Variants in FRMD3 observed in about 807,000 individuals in gnomAD.
FRMD3 encodes FERM domain-containing protein 3.
FRMD3 carries 33 observed loss-of-function variants against 70.2 expected under a neutral mutation model. That is an observed-to-expected ratio of 0.47 (90% CI 0.36 to 0.63). The LOEUF is 0.63. FRMD3 is among the 20% of genes least tolerant of loss of function. The pLI is 0.00. For synonymous variants in FRMD3, 279 were observed against 255.9 expected, an observed-to-expected ratio of 1.09 and a Z score of -0.86; for missense variants, 632 against 711.4, an observed-to-expected ratio of 0.89 and a Z score of 1.27.
chr9:83,366,077 T>A (rs1824775618), intron 3 of FRMD3, among the ~76,000 whole-genome samples: 1 of 151,954 alleles, frequency 6.6e-6, no homozygotes, highest in Admixed American at 6.5e-5. Context: ...TCAAGGAATG[T>A]ACATGAGAGA....
At chr9:83,533,633 A>T (rs892944015) in intron 1 of FRMD3, among the ~76,000 whole-genome samples, 1 of 152,226 alleles carries the variant, frequency 6.6e-6, no homozygotes, top group Non-Finnish European at 1.5e-5. Context: ...GCACTCATCC[A>T]TTCAACTGAT....
chr9:83,262,629 C>T (rs769015593), intron 13 of FRMD3, among the ~76,000 whole-genome samples: 7 of 152,296 alleles, frequency 4.6e-5, no homozygotes, highest in East Asian at 3.9e-4. Flanking sequence ...AAAAGCATTA[C>T]TCTACCACAT....
intron 13 of FRMD3, among the ~76,000 whole-genome samples, chr9:83,250,200 A>AC (rs1214244766): frequency 6.6e-6 from 1 of 151,894 alleles, no homozygotes; most frequent in Non-Finnish European, 1.5e-5. Context: ...AGCAAAGGAG[A>AC]CCCCACCCCG....
chr9:83,351,682 T>A (rs4877756), intron 3 of FRMD3, among the ~76,000 whole-genome samples: 109,216 of 151,036 alleles, frequency 0.72, 39,523 homozygotes, highest in Admixed American at 0.75. Flanking sequence ...TGATTGATAG[T>A]TACATGATAG....
At chr9:83,477,760 A>G (rs569806615) in intron 1 of FRMD3, among the ~76,000 whole-genome samples, 4 of 152,138 alleles carry the variant, frequency 2.6e-5, no homozygotes, top group Non-Finnish European at 5.9e-5. Context: ...TGACTAATTG[A>G]CTGAATCTCC....
chr9:83,520,768 T>G (rs1232823779), intron 1 of FRMD3, among the ~76,000 whole-genome samples: 1 of 152,044 alleles, frequency 6.6e-6, no homozygotes, highest in Non-Finnish European at 1.5e-5. Flanking sequence ...TGCAATTGCT[T>G]ACATCAGACC....
chr9:83,453,370 A>T (rs939261413), intron 1 of FRMD3, among the ~76,000 whole-genome samples: 3 of 152,092 alleles, frequency 2.0e-5, no homozygotes, highest in Non-Finnish European at 2.9e-5. Flanking sequence ...CAGAATCATT[A>T]AAAAAAATCT....
At chr9:83,478,267 T>C (rs1828445086) in intron 1 of FRMD3, among the ~76,000 whole-genome samples, 1 of 152,198 alleles carries the variant, frequency 6.6e-6, no homozygotes, top group Admixed American at 6.5e-5. Context: ...TAAACCTAAC[T>C]CAGTTGTTTT....
intron 1 of FRMD3, among the ~76,000 whole-genome samples, chr9:83,437,504 G>A (rs8181125): frequency 0.087 from 13,250 of 152,010 alleles, 673 homozygotes; most frequent in South Asian, 0.2. Context: ...TTTCTTTATC[G>A]TTTAGTCCAC....
chr9:83,353,570 T>C (rs1824235257), intron 3 of FRMD3, among the ~76,000 whole-genome samples: 1 of 152,210 alleles, frequency 6.6e-6, no homozygotes, highest in African/African-American at 2.4e-5. Flanking sequence ...TTGTGAATGA[T>C]AAACCCCAGG....
the FRMD3 span, among the ~76,000 whole-genome samples, chr9:83,549,708 G>A: frequency 2.6e-5 from 4 of 152,036 alleles, no homozygotes; most frequent in African/African-American, 7.2e-5. Context: ...CAGTGATATC[G>A]AGCATTTTTT....
At chr9:83,269,435 A>C (rs946070786) in intron 13 of FRMD3, among the ~76,000 whole-genome samples, 2 of 152,178 alleles carry the variant, frequency 1.3e-5, no homozygotes, top group African/African-American at 4.8e-5. Context: ...CCTCCTTCCT[A>C]CCTTTCATTT....
intron 1 of FRMD3, among the ~76,000 whole-genome samples, chr9:83,517,156 C>G (rs1408264129): frequency 6.6e-6 from 1 of 151,834 alleles, no homozygotes; most frequent in Non-Finnish European, 1.5e-5. Context: ...CATGAAAAAC[C>G]CTTCAAAAAA....
intron 1 of FRMD3, among the ~76,000 whole-genome samples, chr9:83,416,788 A>ACTCTCTCTCTCTCTCTCACT (rs58346983): frequency 2.5e-5 from 2 of 80,050 alleles, no homozygotes; most frequent in Admixed American, 2.8e-4. Flanking sequence ...TCTCTCTCTC[A>ACTCTCTCTCTCTCTCTCACT]CTCTCTCTCT....
intron 10 of FRMD3, 66 bp from the exon 11 acceptor site, chr9:83,299,252 G>T: frequency 3.0e-6 from 3 of 1,002,256 alleles, no homozygotes; most frequent in Non-Finnish European, 4.6e-6. Context: ...ATGCTATAGA[G>T]GTGTGGTGAT....
At chr9:83,462,968 T>C (rs1828017334) in intron 1 of FRMD3, among the ~76,000 whole-genome samples, 1 of 152,220 alleles carries the variant, frequency 6.6e-6, no homozygotes. Context: ...CAGTATTATA[T>C]AATCCAAACA....
the FRMD3 span, among the ~76,000 whole-genome samples, chr9:83,582,053 T>C: frequency 1.3e-5 from 2 of 152,326 alleles, no homozygotes; most frequent in East Asian, 1.9e-4. Flanking sequence ...CAAAAGGTTG[T>C]CATAAGTAAT....
chr9:83,344,793 GA>G (rs1823894784), intron 4 of FRMD3, among the ~76,000 whole-genome samples: 1 of 150,934 alleles, frequency 6.6e-6, no homozygotes. Flanking sequence ...CATTATGTAT[GA>G]AAGGGTGTGT....
intron 3 of FRMD3, among the ~76,000 whole-genome samples, chr9:83,365,284 G>A (rs1824751838): frequency 6.6e-6 from 1 of 152,162 alleles, no homozygotes; most frequent in Non-Finnish European, 1.5e-5. Context: ...AATATGAGAT[G>A]TCTTCATTTT....
Sources: gnomAD v4.1 joint callset for allele counts (sites outside exome capture counted in the v4.1 genomes callset) on GRCh38, gnomAD v4.1.1 for gene constraint, MANE v1.5 for transcripts, NCBI Gene and HGNC (gene_info 2026-07-23, HGNC 2026-07-21) for gene names.